The following PRDM16 variants were observed in gnomAD, a reference collection of about 807,000 sequenced individuals.
The protein encoded by PRDM16 is histone-lysine N-methyltransferase PRDM16.
A neutral mutation model predicts 110.6 loss-of-function variants in PRDM16; 23 were observed. The ratio of observed to expected loss-of-function variants is 0.21; its 90% CI spans 0.15 to 0.29. The LOEUF (loss-of-function observed/expected upper bound fraction) is 0.29, where lower values mean the gene tolerates loss of function less well. Among genes scored for constraint, PRDM16 ranks in the 10% least tolerant of loss-of-function variants. The pLI is 1.00. For missense variants in PRDM16, 1,615 were observed against 1,794.3 expected (o/e 0.90, Z 1.81); for synonymous variants, 799 against 781.8 (o/e 1.02, Z -0.37).
At chr1:3,142,840 T>C (rs987295709) in intron 1 of PRDM16, among the ~76,000 whole-genome samples, 11 of 152,156 alleles carry the variant, frequency 7.2e-5, no homozygotes, top group Non-Finnish European at 1.2e-4. Flanking sequence ...TGGCCTTGGC[T>C]GGGGCCCTGG....
chr1:3,261,320 G>A (rs1051907700), intron 3 of PRDM16, among the ~76,000 whole-genome samples: 2 of 152,030 alleles, frequency 1.3e-5, no homozygotes, highest in Non-Finnish European at 1.5e-5. Context: ...GAGGTAGTCG[G>A]GTCAAAATAT....
At chr1:3,250,771 G>A (rs941065666) in intron 3 of PRDM16, among the ~76,000 whole-genome samples, 1 of 152,344 alleles carries the variant, frequency 6.6e-6, no homozygotes. Context: ...ATGGGGGGAC[G>A]TGAGAGTTTA....
chr1:3,239,534 G>A (rs919765078), intron 2 of PRDM16, among the ~76,000 whole-genome samples: 3 of 151,874 alleles, frequency 2.0e-5, no homozygotes, highest in Non-Finnish European at 4.4e-5. Flanking sequence ...CTGACCCCCC[G>A]ACTCCACCCA....
rs75974051 is a variant in PRDM16 at position 3,223,478 on chromosome 1, C to T, written c.388-20609C>T. 9.6e-3 allele frequency among the ~76,000 whole-genome samples: 1,461 copies of T among 152,278 alleles called. 27 individuals are homozygous for T. Among genetic ancestry groups the T allele is most frequent in the African/African-American group, 0.034 (1,395 of 41,532 alleles). On this transcript the variant is annotated intron_variant, in intron 2 of 16. Coordinates refer to ENST00000270722, the MANE Select transcript of PRDM16 (RefSeq NM_022114.4). ...CACAGGTGCTGACCCCACGCTCACC[C>T]CCGGCATGCAGGCATTTTTCTCTTA...
Position 3,404,971 on chromosome 1 carries a change from T to C in PRDM16, c.1032+85T>C, listed in dbSNP as rs1268354807. On this transcript the variant is annotated intron_variant, in intron 7 of 16. Coordinates refer to ENST00000270722, the MANE Select transcript of PRDM16 (RefSeq NM_022114.4). ...CCGCCCCCGTGCTCCCTACACCCCC[T>C]GGTCCAAATGTAGATGGAGTGCGGC... 10 of 1,455,190 alleles carry C rather than the reference T, an allele frequency of 6.9e-6. No individual in the cohort carries two copies. In the African/African-American group the frequency reaches 1.4e-4, roughly 21 times the overall value. 90.1% of individuals were successfully genotyped at this position (1,455,190 alleles called of 1,614,324 possible).
chr1:3,137,045 C>T (rs976224941), intron 1 of PRDM16, among the ~76,000 whole-genome samples: 3 of 152,194 alleles, frequency 2.0e-5, no homozygotes, highest in Non-Finnish European at 4.4e-5. Context: ...GGTGAAAGGA[C>T]CTCGGAAGGA....
At chr1:3,394,453 C>G (rs1433214571) in intron 4 of PRDM16, 1 of 442,408 alleles carries the variant, frequency 2.3e-6, no homozygotes, top group African/African-American at 2.1e-5. Flanking sequence ...CCCGAGGTCT[C>G]ACGTCAGGAC....
In PRDM16 at chr1:3,276,737, C is replaced by T. The variant is rs577250685; in HGVS notation, c.438+32600C>T. Among the ~76,000 whole-genome samples the T allele has an allele frequency of 1.4e-4, 18 of 130,778 alleles. No homozygotes were observed. The South Asian group carries it at 3.0e-3, about 22-fold the overall frequency. The allele number at this position is 130,778 out of a possible 152,430, so 85.8% of individuals were successfully genotyped here. ...CCAGCGAGGGGTGCCTGTTTCCTCA[C>T]GGTTTCCCCTTTCTCCCTGGAGAAC... On this transcript the variant is annotated intron_variant, in intron 3 of 16. Coordinates refer to ENST00000270722, the MANE Select transcript of PRDM16 (RefSeq NM_022114.4).
At chr1:3,191,756 A>C (rs1030754953) in intron 2 of PRDM16, among the ~76,000 whole-genome samples, 6 of 152,158 alleles carry the variant, frequency 3.9e-5, no homozygotes, top group African/African-American at 1.2e-4. Flanking sequence ...GAGTGGGGTG[A>C]GGGCAGCCCA....
chr1:3,402,567 C>T (rs1643490807), intron 5 of PRDM16, among the ~76,000 whole-genome samples: 1 of 152,148 alleles, frequency 6.6e-6, no homozygotes, highest in South Asian at 2.1e-4. Flanking sequence ...ATTGGGGGGT[C>T]CTTTGGTCCT....
At chr1:3,093,267 C>T (rs1642317746) in intron 1 of PRDM16, among the ~76,000 whole-genome samples, 1 of 152,212 alleles carries the variant, frequency 6.6e-6, no homozygotes, top group African/African-American at 2.4e-5. Context: ...AGAGCAGAGC[C>T]CAGGCTAGCT....
At chr1:3,118,218 C>T (rs1643013756) in intron 1 of PRDM16, among the ~76,000 whole-genome samples, 1 of 151,800 alleles carries the variant, frequency 6.6e-6, no homozygotes, top group African/African-American at 2.4e-5. Context: ...CACGCACACA[C>T]ACACGTGCAC....
chr1:3,289,126 C>T (rs897665877), intron 3 of PRDM16, among the ~76,000 whole-genome samples: 1 of 152,234 alleles, frequency 6.6e-6, no homozygotes, highest in Non-Finnish European at 1.5e-5. Flanking sequence ...GTGCTTGTCG[C>T]CCGGCCCCTG....
intron 2 of PRDM16, among the ~76,000 whole-genome samples, chr1:3,204,102 C>A (rs1188000117): frequency 6.6e-6 from 1 of 152,220 alleles, no homozygotes; most frequent in Non-Finnish European, 1.5e-5. Flanking sequence ...GTGGTGCCAA[C>A]CCACGTCTTA....
intron 3 of PRDM16, among the ~76,000 whole-genome samples, chr1:3,349,975 G>GC (rs1642449714): frequency 5.9e-5 from 4 of 68,228 alleles, no homozygotes; most frequent in Admixed American, 4.0e-4. Flanking sequence ...GGGGTCCTGA[G>GC]CCCTGGAGGA....
In PRDM16 at chr1:3,405,406, GC is replaced by G. The variant is rs143311879; in HGVS notation, c.1033-83del. The G allele has an allele frequency of 2.9e-4, 409 of 1,388,284 alleles. 2 individuals are homozygous for G. In the South Asian group the frequency reaches 5.7e-3, roughly 19 times the overall value. 86.0% of individuals were successfully genotyped at this position (1,388,284 alleles called of 1,614,324 possible). On this transcript the variant is annotated intron_variant, in intron 7 of 16. Coordinates refer to ENST00000270722, the MANE Select transcript of PRDM16 (RefSeq NM_022114.4). ...TGGCAAGAGAGACAGGCAGGGCCCT[GC>G]CCCCCACAGCCGGTTGGTCCGCCAG...
At chr1:3,106,722 G>A (rs76893188) in intron 1 of PRDM16, among the ~76,000 whole-genome samples, 4 of 152,144 alleles carry the variant, frequency 2.6e-5, no homozygotes, top group Admixed American at 6.5e-5. Context: ...AGGCCAGCAT[G>A]GGGGGGAGCA....
At chr1:3,251,178 C>T (rs1639920545) in intron 3 of PRDM16, among the ~76,000 whole-genome samples, 1 of 152,164 alleles carries the variant, frequency 6.6e-6, no homozygotes, top group South Asian at 2.1e-4. Flanking sequence ...CCCTTCCCCA[C>T]CCACCCCTGC....
intron 3 of PRDM16, among the ~76,000 whole-genome samples, chr1:3,331,301 C>CA (rs1239426238): frequency 6.6e-6 from 1 of 151,950 alleles, no homozygotes; most frequent in Non-Finnish European, 1.5e-5. Flanking sequence ...GCAGCCCCCC[C>CA]CCGGCACACT....
Sources: gnomAD v4.1 joint callset for allele counts (sites outside exome capture counted in the v4.1 genomes callset) on GRCh38, gnomAD v4.1.1 for gene constraint, MANE v1.5 for transcripts, NCBI Gene and HGNC (gene_info 2026-07-23, HGNC 2026-07-21) for gene names.